The following MSRB3 variants were observed in gnomAD, a reference collection of about 807,000 sequenced individuals.
MSRB3 encodes the protein methionine-R-sulfoxide reductase B3.
A neutral mutation model predicts 21.0 loss-of-function variants in MSRB3; 13 were observed. That is an observed-to-expected ratio of 0.62 (90% CI 0.40 to 0.98). The LOEUF (loss-of-function observed/expected upper bound fraction) is 0.98, where lower values mean the gene tolerates loss of function less well. Among genes scored for constraint, MSRB3 ranks in the 50% least tolerant of loss-of-function variants. MSRB3 has a pLI of 0.00. For missense variants in MSRB3, 199 were observed against 230.3 expected, an observed-to-expected ratio of 0.86 and a Z score of 0.88; for synonymous variants, 87 against 88.6, an observed-to-expected ratio of 0.98 and a Z score of 0.10.
intron 6 of MSRB3, chr12:65,454,289 T>C (rs1029059909): frequency 8.2e-6 from 1 of 121,316 alleles, no homozygotes; most frequent in African/African-American, 3.6e-5. Flanking sequence ...CCCTGTCTCA[T>C]AAATTAAATA....
At chr12:65,349,501 A>T (rs376240394) in intron 4 of MSRB3, among the ~76,000 whole-genome samples, 27 of 150,812 alleles carry the variant, frequency 1.8e-4, no homozygotes, top group East Asian at 1.8e-3. Flanking sequence ...TCCACAATGG[A>T]TGAACTAGTT....
intron 5 of MSRB3, among the ~76,000 whole-genome samples, chr12:65,413,139 C>G (rs7311458): frequency 9.9e-5 from 15 of 152,158 alleles, no homozygotes; most frequent in African/African-American, 3.1e-4. Flanking sequence ...AGTGCTTACC[C>G]TATGTCAACA....
chr12:65,318,190 CT>C (rs1874426381), intron 2 of MSRB3, among the ~76,000 whole-genome samples: 1 of 151,696 alleles, frequency 6.6e-6, no homozygotes, highest in Non-Finnish European at 1.5e-5. Flanking sequence ...TTTTCTATGC[CT>C]TTTGCTTAAT....
At chr12:65,448,201 G>C (rs1344722507) in intron 5 of MSRB3, among the ~76,000 whole-genome samples, 1 of 152,084 alleles carries the variant, frequency 6.6e-6, no homozygotes, top group Admixed American at 6.5e-5. Context: ...GGAGCTGAAT[G>C]GTATTATCTT....
chr12:65,284,683 T>C (rs1303538848), intron 1 of MSRB3: 1 of 152,176 alleles, frequency 6.6e-6, no homozygotes, highest in Non-Finnish European at 1.5e-5. Context: ...ATTTGTTAGC[T>C]GGAGTAAAAG....
intron 2 of MSRB3, among the ~76,000 whole-genome samples, chr12:65,317,407 G>A (rs1404982148): frequency 1.3e-5 from 2 of 152,170 alleles, no homozygotes; most frequent in Non-Finnish European, 2.9e-5. Flanking sequence ...TAAAATAATG[G>A]GGTATCAAAT....
At chr12:65,279,064 G>C in intron 1 of MSRB3, 199 bp downstream of exon 1, 1 of 1,419,726 alleles carries the variant, frequency 7.0e-7, no homozygotes, top group Non-Finnish European at 9.2e-7. Context: ...GGGGCCGAAC[G>C]GAAGGAGGTC....
intron 5 of MSRB3, among the ~76,000 whole-genome samples, chr12:65,392,915 T>TA (rs1353942987): frequency 2.0e-5 from 3 of 152,160 alleles, no homozygotes; most frequent in Non-Finnish European, 4.4e-5. Context: ...CCTCATTTTT[T>TA]ACCTTTATTT....
At chr12:65,457,029 T>G (rs899264850) in intron 6 of MSRB3, among the ~76,000 whole-genome samples, 1 of 152,198 alleles carries the variant, frequency 6.6e-6, no homozygotes. Flanking sequence ...CAGGCATCTT[T>G]TTTTACCTTG....
At chr12:65,346,283 G>A (rs2136483113) in intron 4 of MSRB3, among the ~76,000 whole-genome samples, 1 of 152,260 alleles carries the variant, frequency 6.6e-6, no homozygotes, top group South Asian at 2.1e-4. Context: ...CATTCTAACT[G>A]GTGTGAGATG....
intron 2 of MSRB3, among the ~76,000 whole-genome samples, chr12:65,325,019 A>G (rs1264548316): frequency 6.6e-6 from 1 of 152,200 alleles, no homozygotes; most frequent in Admixed American, 6.5e-5. Context: ...TTAAGTTTGC[A>G]TTTAATGATT....
chr12:65,357,786 G>GT (rs1417293957), intron 4 of MSRB3, among the ~76,000 whole-genome samples: 2 of 151,828 alleles, frequency 1.3e-5, no homozygotes, highest in African/African-American at 2.4e-5. Flanking sequence ...TGGGGTTATG[G>GT]TTTTTTTGGA....
chr12:65,405,854 T>C (rs938635389), intron 5 of MSRB3, among the ~76,000 whole-genome samples: 4 of 152,212 alleles, frequency 2.6e-5, no homozygotes, highest in African/African-American at 9.6e-5. Context: ...ATTTTTTTCA[T>C]ATATTTGTTG....
chr12:65,419,771 G>T, intron 5 of MSRB3: 2 of 1,067,918 alleles, frequency 1.9e-6, no homozygotes, highest in Non-Finnish European at 2.9e-6. Context: ...GGCTTTGCAT[G>T]GTCTCCTTCT....
intron 4 of MSRB3, among the ~76,000 whole-genome samples, chr12:65,362,868 C>A (rs1400231857): frequency 6.6e-6 from 1 of 152,090 alleles, no homozygotes; most frequent in Non-Finnish European, 1.5e-5. Flanking sequence ...TCACTAGTCA[C>A]TGGTCGGTGA....
At chr12:65,291,485 TAAA>T (rs1248535463) in intron 1 of MSRB3, among the ~76,000 whole-genome samples, 3 of 140,196 alleles carry the variant, frequency 2.1e-5, no homozygotes, top group African/African-American at 2.6e-5. Context: ...TCTCTCATCT[TAAA>T]AAAAAAAAAA....
intron 1 of MSRB3, among the ~76,000 whole-genome samples, chr12:65,289,521 T>A (rs553140289): frequency 1.3e-5 from 2 of 152,236 alleles, no homozygotes; most frequent in Admixed American, 6.5e-5. Context: ...AAAGTTATCA[T>A]CTGCTGTGTA....
At chr12:65,305,193 G>C (rs538067667) in intron 1 of MSRB3, 1 of 151,740 alleles carries the variant, frequency 6.6e-6, no homozygotes, top group East Asian at 1.9e-4. Context: ...TCAGCCTCCT[G>C]AGTAGCTGGG....
At position 65,463,141 on chromosome 12, in the gene MSRB3, TTCTTC is replaced by T; in HGVS notation, c.391-9_391-5del. 1.2e-6 allele frequency: 2 copies of T among 1,614,010 alleles called. No individual in the cohort carries two copies. Among genetic ancestry groups the T allele is most frequent in the Non-Finnish European group, 1.7e-6 (2 of 1,180,020 alleles). On this transcript the variant is annotated splice_polypyrimidine_tract_variant and intron_variant, in intron 6 of 6. Transcript: ENST00000308259. Reference sequence around the variant, plus strand: ...GTACATGCTTTTCCCTGACGTTTTGTTCTTCTCTTTCAGTGTGGTGCTCACCTTGG... The same window carrying T: ...GTACATGCTTTTCCCTGACGTTTTGTTCTTTCAGTGTGGTGCTCACCTTGG...
Sources: gnomAD v4.1 joint callset for allele counts (sites outside exome capture counted in the v4.1 genomes callset) on GRCh38, gnomAD v4.1.1 for gene constraint, MANE v1.5 for transcripts, NCBI Gene and HGNC (gene_info 2026-07-23, HGNC 2026-07-21) for gene names.